Variants in NEO1 observed in about 807,000 individuals in gnomAD.
NEO1 encodes neogenin.
NEO1 carries 63 observed loss-of-function variants against 159.7 expected under a neutral mutation model. The ratio of observed to expected loss-of-function variants is 0.39; its 90% confidence interval spans 0.32 to 0.49. The LOEUF (loss-of-function observed/expected upper bound fraction) is 0.49. Among genes scored for constraint, NEO1 ranks in the 20% least tolerant of loss-of-function variants. The pLI, the probability that NEO1 is intolerant of heterozygous loss-of-function variation, is 0.85. For missense variants in NEO1, 1,615 were observed against 1,831.0 expected, an observed-to-expected ratio of 0.88 and a Z score of 2.15; for synonymous variants, 633 against 662.0, an observed-to-expected ratio of 0.96 and a Z score of 0.67.
chr15:73,301,321 C>G lies in NEO1; in HGVS notation c.4166C>G (p.Ala1389Gly). 3.7e-6 allele frequency: 6 copies of G among 1,614,168 alleles called. No homozygotes were observed. Among genetic ancestry groups the G allele is most frequent in the Non-Finnish European group, 5.1e-6 (6 of 1,180,022 alleles). The change falls in exon 28 of 29, where the codon GCT (alanine) becomes GGT (glycine). Residue 1389 changes from alanine to glycine, a missense_variant and splice_region_variant. This residue lies in a region of NEO1 where 471 missense variants were observed against 498.9 expected (regional missense o/e 0.94). Transcript: ENST00000261908. Reference protein sequence around the residue: ...LPSTPLLSQQALNHHIHSVKT... With the variant: ...LPSTPLLSQQGLNHHIHSVKT... ...ATCTGATGGTGCCCTTTCCCCTCAG[C>G]TCTGAACCATCACATTCACTCAGTG...
chr15:73,174,639 C>T (rs1298146531), intron 5 of NEO1, among the ~76,000 whole-genome samples: 1 of 152,102 alleles, frequency 6.6e-6, no homozygotes, highest in Non-Finnish European at 1.5e-5. Context: ...AACAAAGCAC[C>T]AGCTGACAAA....
chr15:73,083,175 AT>A (rs2069162223), intron 1 of NEO1, among the ~76,000 whole-genome samples: 1 of 152,210 alleles, frequency 6.6e-6, no homozygotes, highest in African/African-American at 2.4e-5. Context: ...GTCAGATCAG[AT>A]TAATGAGAAA....
intron 1 of NEO1, among the ~76,000 whole-genome samples, chr15:73,059,681 A>G (rs114025476): frequency 0.015 from 2,251 of 152,324 alleles, 68 homozygotes; most frequent in African/African-American, 0.052. Context: ...TCATTGTGTT[A>G]CTGTTGATCA....
intron 26 of NEO1, among the ~76,000 whole-genome samples, chr15:73,296,214 C>T (rs2042360549): frequency 6.6e-6 from 1 of 152,152 alleles, no homozygotes; most frequent in African/African-American, 2.4e-5. Context: ...CCAGAGCTGA[C>T]CTAACATATC....
chr15:73,052,297 CCCCCCG>C (rs528003048), upstream of NEO1, among the ~76,000 whole-genome samples: 78,584 of 138,730 alleles, frequency 0.57, 22,587 homozygotes, highest in Middle Eastern at 0.61. Flanking sequence ...GGGACTCCCG[CCCCCCG>C]CCCCCGCCCC....
intron 27 of NEO1, among the ~76,000 whole-genome samples, chr15:73,300,659 A>T (rs1489568701): frequency 6.6e-6 from 1 of 152,156 alleles, no homozygotes; most frequent in Non-Finnish European, 1.5e-5. Context: ...TGAACCCGGG[A>T]GGTGGAGGTT....
intron 27 of NEO1, among the ~76,000 whole-genome samples, chr15:73,299,333 GTATC>G (rs1416961528): frequency 2.0e-5 from 3 of 151,408 alleles, no homozygotes; most frequent in South Asian, 4.2e-4. Context: ...AAAAAAGCAA[GTATC>G]TATCATGTTA....
intron 14 of NEO1, 28 bp downstream of exon 14, chr15:73,258,904 A>G (rs2040488252): frequency 1.9e-6 from 3 of 1,570,912 alleles, no homozygotes; most frequent in African/African-American, 2.7e-5. Flanking sequence ...CAAGACTGGA[A>G]CACAATAGAT....
intron 5 of NEO1, among the ~76,000 whole-genome samples, chr15:73,164,478 G>A (rs1038045861): frequency 2.0e-5 from 3 of 151,792 alleles, no homozygotes; most frequent in African/African-American, 4.8e-5. Context: ...GCCTCCCAAA[G>A]TGCTGGAATT....
intron 1 of NEO1, among the ~76,000 whole-genome samples, chr15:73,101,251 A>G (rs971360509): frequency 3.3e-5 from 5 of 152,208 alleles, no homozygotes; most frequent in Non-Finnish European, 7.3e-5. Flanking sequence ...CTTAATTTCT[A>G]AATATCTTAG....
rs115798867 is a variant in NEO1 at position 73,292,949 on chromosome 15, A to G, written c.3743-441A>G. 2.9e-3 allele frequency among the ~76,000 whole-genome samples: 445 copies of G among 152,352 alleles called. 1 individual carries two copies. The highest frequency in any genetic ancestry group is 0.01 in the African/African-American group (428 of 41,588). ...CTCGAAAAAGAAGGGACTTCTTTCT[A>G]TCCTTTTAGCAGGACAAAATAGAAA... On this transcript the variant is annotated intron_variant, in intron 25 of 28. Transcript: ENST00000261908.
chr15:73,182,359 A>G (rs1276655660), intron 7 of NEO1, among the ~76,000 whole-genome samples: 1 of 152,146 alleles, frequency 6.6e-6, no homozygotes, highest in African/African-American at 2.4e-5. Context: ...GGAGATTTCC[A>G]CTTCTGTTTA....
chr15:73,198,290 A>G (rs1291851009), intron 7 of NEO1, among the ~76,000 whole-genome samples: 1 of 152,096 alleles, frequency 6.6e-6, no homozygotes, highest in African/African-American at 2.4e-5. Flanking sequence ...CCTAAACTAT[A>G]TTCTCTGGGC....
Position 73,293,473 on chromosome 15 carries a change from A to C in NEO1, c.3826A>C (p.Ser1276Arg), listed in dbSNP as rs2042236841. The C allele has an allele frequency of 5.0e-6, 8 of 1,614,120 alleles. No homozygotes were observed. Among genetic ancestry groups the C allele is most frequent in the Non-Finnish European group, 6.8e-6 (8 of 1,180,012 alleles). Residue 1276 changes from serine to arginine, a missense_variant, in exon 26 of 29, where the codon AGT (serine) becomes CGT (arginine). Coordinates refer to ENST00000261908, the MANE Select transcript of NEO1 (RefSeq NM_002499.4). ...HSSSLASPARSHLYHPGSPWP... is the reference protein window; with the variant it reads ...HSSSLASPARRHLYHPGSPWP... ...CAGCAGCCTCGCTTCTCCAGCTCGCAGTCATCTCTACCACCCGGGCAGCCC... is the reference window on the plus strand; with the variant it reads ...CAGCAGCCTCGCTTCTCCAGCTCGCCGTCATCTCTACCACCCGGGCAGCCC...
rs914810436 is a variant in NEO1, at chr15:73,086,809, C to T, written c.131-29731C>T. Among the ~76,000 whole-genome samples the T allele has an allele frequency of 4.0e-4, 6 of 14,876 alleles. No homozygotes were observed. In the African/African-American group the frequency reaches 4.9e-3, roughly 12 times the overall value. 9.8% of individuals were successfully genotyped at this position (14,876 alleles called of 152,430 possible). A position where few individuals can be genotyped will look rare whatever the true frequency, so the allele number is the denominator to read the frequency against. Reference sequence around the variant, plus strand: ...AGCTAGGATTACAGGCACATGCCACCCATGCCTGGCTAATTTTTGTATTTT... The same window carrying T: ...AGCTAGGATTACAGGCACATGCCACTCATGCCTGGCTAATTTTTGTATTTT... On this transcript the variant is annotated intron_variant, in intron 1 of 28. Transcript: ENST00000261908.
rs1440791961 is a variant in NEO1, at chr15:73,052,697, C to G, written c.22C>G (p.Arg8Gly). 1 of 1,353,992 alleles carries G rather than the reference C, an allele frequency of 7.4e-7. No individual in the cohort carries two copies. The highest frequency in any genetic ancestry group is 1.5e-5 in the African/African-American group (1 of 65,526). 83.9% of individuals were successfully genotyped at this position (1,353,992 alleles called of 1,614,324 possible). A position where few individuals can be genotyped will look rare whatever the true frequency, so the allele number is the denominator to read the frequency against. Residue 8 changes from arginine (R) to glycine (G), a missense_variant, in exon 1 of 29, where the codon CGG becomes GGG. By Grantham distance (125) the Arg-to-Gly change is moderately radical. This residue lies in a region of NEO1 where 1,018 missense variants were observed against 1,115.4 expected (regional missense o/e 0.91). Transcript: ENST00000261908. MAAERGA[R>G]RLLSTPSFWL... ...AGAGATGGCGGCGGAGCGGGGAGCC[C>G]GGCGACTCCTCAGCACCCCCTCCTT...
At chr15:73,249,854 T>C (rs1293619777) in intron 11 of NEO1, 133 bp downstream of exon 11, 4 of 1,018,412 alleles carry the variant, frequency 3.9e-6, no homozygotes, top group Non-Finnish European at 4.2e-6. Context: ...AATATGACTT[T>C]AGTCAAGTCT....
At position 73,289,132 on chromosome 15, in the gene NEO1, C is replaced by G. The variant is rs369666055; in HGVS notation, c.3650-14C>G. On this transcript the variant is annotated splice_polypyrimidine_tract_variant and intron_variant, in intron 24 of 28. Coordinates refer to ENST00000261908, the MANE Select transcript of NEO1 (RefSeq NM_002499.4). ...GGCACATGCTGGTAACTAACCTCCACGTTTAACATCTAGGGCATGAGTCAG... is the reference window on the plus strand; with the variant it reads ...GGCACATGCTGGTAACTAACCTCCAGGTTTAACATCTAGGGCATGAGTCAG... The G allele has an allele frequency of 6.2e-7, 1 of 1,611,786 alleles. No homozygotes were observed. The highest frequency in any genetic ancestry group is 1.7e-5 in the Admixed American group (1 of 59,982).
intron 25 of NEO1, among the ~76,000 whole-genome samples, chr15:73,290,224 ATTTTT>A (rs34114271): frequency 3.6e-5 from 3 of 82,252 alleles, no homozygotes; most frequent in Non-Finnish European, 4.6e-5. Context: ...ACTGTGTGGA[ATTTTT>A]TTTTTTTTTT....
Sources: gnomAD v4.1 joint callset for allele counts (sites outside exome capture counted in the v4.1 genomes callset) on GRCh38, gnomAD v4.1.1 for gene constraint, gnomAD v4.1.1 regional missense constraint, MANE v1.5 for transcripts, NCBI Gene and HGNC (gene_info 2026-07-23, HGNC 2026-07-21) for gene names.